The following FMNL1 variants were observed in gnomAD, a reference collection of about 807,000 sequenced individuals.
FMNL1 encodes the protein formin like 1.
A neutral mutation model predicts 121.3 loss-of-function variants in FMNL1; 43 were observed. That is an observed-to-expected ratio of 0.35 (90% CI 0.28 to 0.46). The LOEUF (loss-of-function observed/expected upper bound fraction) is 0.46. FMNL1 is among the 20% of genes least tolerant of loss of function. FMNL1 has a pLI of 1.00. For missense variants in FMNL1, 1,191 were observed against 1,482.4 expected, an observed-to-expected ratio of 0.80 and a Z score of 3.23; for synonymous variants, 613 against 613.5, an observed-to-expected ratio of 1.00 and a Z score of 0.01.
chr17:45,241,712 G>A lies in FMNL1; in HGVS notation c.1585+78G>A. The A allele has an allele frequency of 2.1e-6, 3 of 1,439,018 alleles. No individual in the cohort carries two copies. The highest frequency in any genetic ancestry group is 1.8e-6 in the Non-Finnish European group (2 of 1,100,568). The allele number at this position is 1,439,018 out of a possible 1,614,324, so 89.1% of individuals were successfully genotyped here. ...CCCAGGGGCATCTGTGGCGGGCAGAGTTGGGCGAGGGAGGTTTGGATTGTA... is the reference window on the plus strand; with the variant it reads ...CCCAGGGGCATCTGTGGCGGGCAGAATTGGGCGAGGGAGGTTTGGATTGTA... On this transcript the variant is annotated intron_variant, in intron 14 of 26. Transcript: ENST00000331495. The surrounding 1 kb of genome is among the most constrained non-coding windows in gnomAD (Gnocchi z 7.0).
At chr17:45,240,718 A>C in intron 12 of FMNL1, 93 bp downstream of exon 12, 1 of 1,483,420 alleles carries the variant, frequency 6.7e-7, no homozygotes, top group African/African-American at 1.4e-5. Flanking sequence ...TGGGCAGCAG[A>C]CAGTGTTATA....
rs2143542792 is a variant in FMNL1, at chr17:45,241,338, A to G, written c.1333-44A>G. The G allele has an allele frequency of 6.3e-7, 1 of 1,588,802 alleles. No homozygotes were observed. The highest frequency in any genetic ancestry group is 8.6e-7 in the Non-Finnish European group (1 of 1,167,464). ...GGAAGAAGATGGAGGCTTGGTGCCA[A>G]GGAGCCTGCTGGTGGGCACTGACCC... On this transcript the variant is annotated intron_variant, in intron 13 of 26. Transcript: ENST00000331495. This position sits in a 1 kb window ranked among gnomAD's most constrained non-coding sequence, Gnocchi z 7.0.
At chr17:45,234,047 C>A in intron 5 of FMNL1, 25 bp from the exon 6 acceptor site, 1 of 1,612,292 alleles carries the variant, frequency 6.2e-7, no homozygotes, top group South Asian at 1.1e-5. Context: ...TGTTGGCCTC[C>A]AGCCCCATTG....
Position 45,244,156 on chromosome 17 carries a change from C to A in FMNL1, c.2449-20C>A. On this transcript the variant is annotated intron_variant, in intron 18 of 26. Transcript: ENST00000331495. ...TGGAGGAGGCTCCAACTTATCTTAC[C>A]TCCCCCATCCCACCCCCAGCAACTG... 1 of 1,612,240 alleles carries A rather than the reference C, an allele frequency of 6.2e-7. No individual in the cohort carries two copies. Among genetic ancestry groups the A allele is most frequent in the Non-Finnish European group, 8.5e-7 (1 of 1,179,198 alleles).
rs2043821144 is a variant in FMNL1 at position 45,245,942 on chromosome 17, C to T, written c.3059C>T (p.Thr1020Ile). 1 of 1,583,578 alleles carries T rather than the reference C, an allele frequency of 6.3e-7. No individual in the cohort carries two copies. The highest frequency in any genetic ancestry group is 8.6e-7 in the Non-Finnish European group (1 of 1,169,148). The change falls in exon 24 of 27, where the codon ACC becomes ATC. Residue 1020 changes from threonine (T) to isoleucine (I), a missense_variant. Thr to Ile is a moderately conservative substitution (Grantham distance 89). This residue lies in a region of FMNL1 where 367 missense variants were observed against 528.6 expected (regional missense o/e 0.69). Transcript: ENST00000331495. ...EAAAQEAGADTPGKGEPPAPK... is the reference protein window; with the variant it reads ...EAAAQEAGADIPGKGEPPAPK... ...GCTGCCCAGGAGGCAGGCGCTGATA[C>T]CCCGGGCAAAGGGGAGCCCCCAGCA...
intron 6 of FMNL1, 175 bp downstream of exon 6, chr17:45,234,375 A>T (rs1053588473): frequency 3.5e-6 from 4 of 1,128,294 alleles, no homozygotes; most frequent in Non-Finnish European, 5.1e-6. Flanking sequence ...AGAAGCCATC[A>T]GGGGTGGGGC....
Position 45,246,545 on chromosome 17 carries a change from G to A in FMNL1, c.3252G>A (p.Arg1084=). The stretch of plus-strand genomic sequence containing the variant: ...CCTTCACGGCCCGCACCGGCAAGCG[G>A]ACATCCCGGCTCCTCTGTGAGGCCA... The part of the protein sequence containing the change: ...TVPFTARTGK[R]TSRLLCEASL... The change falls in exon 26 of 27, where the codon CGG becomes CGA. Residue 1084 remains arginine, a synonymous_variant. Coordinates refer to ENST00000331495, the MANE Select transcript of FMNL1 (RefSeq NM_005892.4). 6.2e-7 allele frequency: 1 copy of A among 1,613,788 alleles called. No homozygotes were observed. The highest frequency in any genetic ancestry group is 8.5e-7 in the Non-Finnish European group (1 of 1,179,702).
chr17:45,226,433 C>T (rs534704168), intron 1 of FMNL1, among the ~76,000 whole-genome samples: 1 of 152,074 alleles, frequency 6.6e-6, no homozygotes, highest in Non-Finnish European at 1.5e-5. Context: ...GGGATCTGGG[C>T]CAGGCTGTCT....
At position 45,232,487 on chromosome 17, in the gene FMNL1, G is replaced by A; in HGVS notation, c.327+7G>A. ...TTGGATGTCCAACCTGGGGGTACATGTCTCCCCTCTTTACTCTGTCCCTTT... is the reference window on the plus strand; with the variant it reads ...TTGGATGTCCAACCTGGGGGTACATATCTCCCCTCTTTACTCTGTCCCTTT... On this transcript the variant is annotated splice_region_variant and intron_variant, in intron 3 of 26. Transcript: ENST00000331495. 6.2e-7 allele frequency: 1 copy of A among 1,613,024 alleles called. No individual in the cohort carries two copies. Among genetic ancestry groups the A allele is most frequent in the Non-Finnish European group, 8.5e-7 (1 of 1,179,038 alleles).
Position 45,243,134 on chromosome 17 carries a change from A to C in FMNL1, c.2027A>C (p.Asp676Ala). ...TACCTTCAGGAGCTAGACATGAGTGATTTTGAGGAACAGTTCAAGACCAAG... is the reference window on the plus strand; with the variant it reads ...TACCTTCAGGAGCTAGACATGAGTGCTTTTGAGGAACAGTTCAAGACCAAG... ...EKVLQELDMSDFEEQFKTKSQ... is the reference protein window; with the variant it reads ...EKVLQELDMSAFEEQFKTKSQ... The change falls in exon 17 of 27, where the codon GAT becomes GCT. Residue 676 changes from aspartate to alanine, a missense_variant. Physicochemically the swap from Asp to Ala is moderately radical, Grantham distance 126. Transcript: ENST00000331495. 1 of 1,614,150 alleles carries C rather than the reference A, an allele frequency of 6.2e-7. No homozygotes were observed. The highest frequency in any genetic ancestry group is 1.1e-5 in the South Asian group (1 of 91,074).
At chr17:45,240,359 T>C (rs2043657574) in intron 11 of FMNL1, 117 bp from the exon 12 acceptor site, 1 of 1,063,114 alleles carries the variant, frequency 9.4e-7, no homozygotes, top group African/African-American at 1.6e-5. Flanking sequence ...AAAGAAAAAG[T>C]AGGCTAGGGC....
Position 45,244,880 on chromosome 17 carries a change from G to A in FMNL1, c.2579G>A (p.Arg860Gln), listed in dbSNP as rs1316661489. 15 of 1,613,668 alleles carry A rather than the reference G, an allele frequency of 9.3e-6. No individual in the cohort carries two copies. The highest frequency in any genetic ancestry group is 1.2e-5 in the Non-Finnish European group (14 of 1,179,878). Residue 860 changes from arginine to glutamine, a missense_variant, in exon 20 of 27, where the codon CGG becomes CAG. Transcript: ENST00000331495. ...SSKRGAAYGFRLQSLDALLEM... is the reference protein window; with the variant it reads ...SSKRGAAYGFQLQSLDALLEM... ...AAGCGTGGGGCAGCCTATGGCTTCC[G>A]GCTCCAGAGCCTGGATGCGGTGAGG...
At chr17:45,245,798 AG>A in intron 23 of FMNL1, 65 bp downstream of exon 23, 1 of 1,047,876 alleles carries the variant, frequency 9.5e-7, no homozygotes, top group South Asian at 1.5e-5. Flanking sequence ...TGGGCAGCGG[AG>A]GGGTGGGGCT....
At chr17:45,223,003 G>A (rs2043261556) in intron 1 of FMNL1, among the ~76,000 whole-genome samples, 1 of 152,172 alleles carries the variant, frequency 6.6e-6, no homozygotes, top group Non-Finnish European at 1.5e-5. Flanking sequence ...GCCGAGCCTG[G>A]AAACAGTCAA....
In FMNL1 at chr17:45,241,062, C is replaced by T; in HGVS notation, c.1231-67C>T. The stretch of plus-strand genomic sequence containing the variant: ...GTCTTCCAGGCAGGCATGCCTGATG[C>T]CGCCCCCTCACCGGCGGTGCCAGTG... On this transcript the variant is annotated intron_variant, in intron 12 of 26. Coordinates refer to ENST00000331495, the MANE Select transcript of FMNL1 (RefSeq NM_005892.4). The surrounding 1 kb of genome is among the most constrained non-coding windows in gnomAD (Gnocchi z 7.0). 1 of 1,585,126 alleles carries T rather than the reference C, an allele frequency of 6.3e-7. No homozygotes were observed. The highest frequency in any genetic ancestry group is 8.6e-7 in the Non-Finnish European group (1 of 1,159,164).
Position 45,245,742 on chromosome 17 carries a change from G to A in FMNL1, c.2994+9G>A. The A allele has an allele frequency of 6.2e-7, 1 of 1,613,876 alleles. No individual in the cohort carries two copies. Among genetic ancestry groups the A allele is most frequent in the Non-Finnish European group, 8.5e-7 (1 of 1,179,918 alleles). On this transcript the variant is annotated intron_variant, in intron 23 of 26. Transcript: ENST00000331495. ...TCATTAAGGCCTACAAGGTATTCGG[G>A]TCTGGGGCAGGCTGGGAGCCCTGTA... is the stretch of plus-strand genomic sequence containing the variant.
At chr17:45,242,489 C>A in intron 16 of FMNL1, 24 bp downstream of exon 16, 1 of 1,606,048 alleles carries the variant, frequency 6.2e-7, no homozygotes, top group Non-Finnish European at 8.5e-7. Context: ...CCTGGCTCCC[C>A]ATGTGGGCAC....
intron 5 of FMNL1, 33 bp from the exon 6 acceptor site, chr17:45,234,039 T>C: frequency 6.2e-7 from 1 of 1,610,960 alleles, no homozygotes; most frequent in Non-Finnish European, 8.5e-7. Context: ...CCCTGCAGTG[T>C]TGGCCTCCAG....
rs559519197 is a variant in FMNL1 at position 45,228,612 on chromosome 17, C to G, written c.130-1992C>G. Among the ~76,000 whole-genome samples, 5 of 152,316 alleles carry G rather than the reference C, an allele frequency of 3.3e-5. No individual in the cohort carries two copies. In the South Asian group the frequency reaches 1.0e-3, roughly 32 times the overall value. On this transcript the variant is annotated intron_variant, in intron 1 of 26. Transcript: ENST00000331495. ...AAGGCAGTCGTCGGCGCGCAGGGCT[C>G]GGAGCAGTGCCTTGCACAGTAGGCA...
Sources: allele counts gnomAD v4.1 joint callset (sites outside exome capture counted in the v4.1 genomes callset), GRCh38; gene constraint gnomAD v4.1.1; regional missense constraint gnomAD v4.1.1; non-coding constraint Gnocchi (gnomAD v3.1); transcripts MANE v1.5; gene names NCBI Gene and HGNC (gene_info 2026-07-23, HGNC 2026-07-21).